FSTL5: variants seen among roughly 807,000 people sequenced by gnomAD.
The protein encoded by FSTL5 is follistatin-related protein 5.
A neutral mutation model predicts 89.1 loss-of-function variants in FSTL5; 62 were observed. The ratio of observed to expected loss-of-function variants is 0.70; its 90% CI spans 0.57 to 0.86. The LOEUF (loss-of-function observed/expected upper bound fraction) is 0.86. Ranked by LOEUF, FSTL5 falls within the 40% of genes least tolerant of loss-of-function variation. FSTL5 has a pLI of 0.00. For missense variants in FSTL5, 1,057 were observed against 1,001.6 expected (o/e 1.06, Z -0.75); for synonymous variants, 383 against 346.2 (o/e 1.11, Z -1.18).
At chr4:161,576,450 T>A (rs1188826514) in intron 8 of FSTL5, among the ~76,000 whole-genome samples, 2 of 152,188 alleles carry the variant, frequency 1.3e-5, no homozygotes. Flanking sequence ...CAAAACAGCA[T>A]GGTGCTGGTA....
At chr4:161,836,441 A>T (rs1731043725) in intron 4 of FSTL5, among the ~76,000 whole-genome samples, 1 of 151,688 alleles carries the variant, frequency 6.6e-6, no homozygotes, top group African/African-American at 2.4e-5. Context: ...GTAACCTAAA[A>T]CTTAAAGTAT....
intron 6 of FSTL5, among the ~76,000 whole-genome samples, chr4:161,677,546 G>C (rs1023370484): frequency 6.6e-6 from 1 of 151,858 alleles, no homozygotes; most frequent in African/African-American, 2.4e-5. Flanking sequence ...CGTATTAGTA[G>C]TATTGGAAAA....
intron 2 of FSTL5, among the ~76,000 whole-genome samples, chr4:162,096,380 CAA>C (rs1203860329): frequency 4.0e-5 from 6 of 151,250 alleles, no homozygotes; most frequent in Admixed American, 4.0e-4. Context: ...ATTTATGTCA[CAA>C]TATATAAATA....
intron 11 of FSTL5, among the ~76,000 whole-genome samples, chr4:161,503,258 A>G (rs1351802364): frequency 1.3e-5 from 2 of 151,846 alleles, no homozygotes; most frequent in African/African-American, 2.4e-5. Flanking sequence ...CTATTTATTT[A>G]TGTTTTGCAG....
At chr4:161,808,378 T>G (rs1730034388) in intron 4 of FSTL5, among the ~76,000 whole-genome samples, 1 of 152,154 alleles carries the variant, frequency 6.6e-6, no homozygotes, top group Non-Finnish European at 1.5e-5. Flanking sequence ...CCTGTACAGA[T>G]AAGTGTACAC....
At chr4:161,664,021 GAC>G (rs1553956156) in intron 6 of FSTL5, among the ~76,000 whole-genome samples, 3 of 152,304 alleles carry the variant, frequency 2.0e-5, no homozygotes, top group Non-Finnish European at 2.9e-5. Context: ...GAGCCGGTGA[GAC>G]ACAGAGCAAC....
intron 6 of FSTL5, among the ~76,000 whole-genome samples, chr4:161,713,964 C>A (rs1738889631): frequency 6.6e-6 from 1 of 152,136 alleles, no homozygotes. Flanking sequence ...GTATTCTTTA[C>A]CCATAACTGT....
chr4:161,611,288 A>C (rs993673314), intron 7 of FSTL5, among the ~76,000 whole-genome samples: 1 of 143,976 alleles, frequency 6.9e-6, no homozygotes, highest in South Asian at 2.2e-4. Context: ...GAATCAGTAG[A>C]TTATGTCATT....
chr4:161,821,489 T>A (rs1280057799), intron 4 of FSTL5, among the ~76,000 whole-genome samples: 1 of 152,162 alleles, frequency 6.6e-6, no homozygotes, highest in Non-Finnish European at 1.5e-5. Flanking sequence ...ATGAATAAGT[T>A]CTTTAGTGAG....
At chr4:161,871,975 C>T (rs892707174) in intron 4 of FSTL5, among the ~76,000 whole-genome samples, 34 of 144,294 alleles carry the variant, frequency 2.4e-4, no homozygotes, top group Admixed American at 9.7e-4. Context: ...AATTCAAAAA[C>T]ATAATAAAAT....
chr4:161,751,256 G>C (rs1203989746), intron 6 of FSTL5, among the ~76,000 whole-genome samples: 2 of 152,098 alleles, frequency 1.3e-5, no homozygotes, highest in African/African-American at 4.8e-5. Context: ...AATTGGTATT[G>C]CTTCTCTTTC....
chr4:161,985,254 A>T (rs1484916085), intron 3 of FSTL5, among the ~76,000 whole-genome samples: 1 of 152,180 alleles, frequency 6.6e-6, no homozygotes, highest in Non-Finnish European at 1.5e-5. Flanking sequence ...AAATTAAAAA[A>T]AGTAAGATTC....
At chr4:161,517,406 T>A (rs1047950922) in intron 10 of FSTL5, among the ~76,000 whole-genome samples, 1 of 152,188 alleles carries the variant, frequency 6.6e-6, no homozygotes, top group Non-Finnish European at 1.5e-5. Flanking sequence ...ATAACTGAAA[T>A]GTAAAATTTT....
chr4:161,633,291 T>TTTATTA (rs60503667), intron 7 of FSTL5, among the ~76,000 whole-genome samples: 44,059 of 140,394 alleles, frequency 0.31, 6,938 homozygotes, highest in African/African-American at 0.34. Flanking sequence ...ACTAATTCTT[T>TTTATTA]TTATTATTAT....
chr4:161,631,375 T>G (rs1454831052), intron 7 of FSTL5, among the ~76,000 whole-genome samples: 2 of 152,182 alleles, frequency 1.3e-5, no homozygotes, highest in Non-Finnish European at 2.9e-5. Context: ...CCTAGCATTT[T>G]GGGAGGCCAA....
chr4:161,759,670 G>A (rs1042061654), intron 5 of FSTL5, 139 bp from the exon 6 acceptor site: 3 of 442,932 alleles, frequency 6.8e-6, no homozygotes, highest in African/African-American at 4.1e-5. Flanking sequence ...GAAAAATCCA[G>A]GTTTTTAGTT....
chr4:161,659,046 A>G lies in FSTL5; in HGVS notation c.728-2552T>C, dbSNP rs539497617. Among the ~76,000 whole-genome samples, 390 of 152,296 alleles carry G rather than the reference A, an allele frequency of 2.6e-3. 3 individuals are homozygous for G. Among genetic ancestry groups the G allele is most frequent in the African/African-American group, 9.2e-3 (382 of 41,564 alleles). On this transcript the variant is annotated intron_variant, in intron 6 of 15. Coordinates refer to ENST00000306100, the MANE Select transcript of FSTL5 (RefSeq NM_020116.5). The stretch of plus-strand genomic sequence containing the variant: ...AATTAGATAATATAATCATCTTAGA[A>G]TAAATGCTGAGATTTGGCATAACAT...
chr4:161,831,107 C>T (rs752838995), intron 4 of FSTL5, among the ~76,000 whole-genome samples: 14 of 151,722 alleles, frequency 9.2e-5, no homozygotes, highest in South Asian at 4.2e-4. Flanking sequence ...GCTGCTCTTG[C>T]GGTGAGAGTG....
chr4:161,950,214 G>T (rs568688692), intron 3 of FSTL5, among the ~76,000 whole-genome samples: 12 of 152,198 alleles, frequency 7.9e-5, no homozygotes, highest in African/African-American at 2.6e-4. Flanking sequence ...GTTACTCAAA[G>T]AATTTCTTTT....
Sources: allele counts gnomAD v4.1 joint callset (sites outside exome capture counted in the v4.1 genomes callset), GRCh38; gene constraint gnomAD v4.1.1; transcripts MANE v1.5; gene names NCBI Gene and HGNC (gene_info 2026-07-23, HGNC 2026-07-21).